KIT: variants seen among roughly 807,000 people sequenced by gnomAD.
KIT encodes KIT proto-oncogene, receptor tyrosine kinase, also known as mast/stem cell growth factor receptor Kit.
In KIT, 16 loss-of-function variants were observed where a neutral mutation model predicts 105.7. That is an observed-to-expected ratio of 0.15 (90% confidence interval 0.10 to 0.23). The LOEUF (loss-of-function observed/expected upper bound fraction) is 0.23. Among genes scored for constraint, KIT ranks in the 10% least tolerant of loss-of-function variants. The pLI, the probability that KIT is intolerant of heterozygous loss-of-function variation, is 1.00. For synonymous variants in KIT, 438 were observed against 441.1 expected, an observed-to-expected ratio of 0.99 and a Z score of 0.09; for missense variants, 858 against 1,213.8, an observed-to-expected ratio of 0.71 and a Z score of 4.36.
chr4:54,709,185 T>C (rs1020748337), intron 6 of KIT, among the ~76,000 whole-genome samples: 1 of 152,150 alleles, frequency 6.6e-6, no homozygotes, highest in African/African-American at 2.4e-5. Flanking sequence ...CTCTGTCAGG[T>C]TGCCTTTGTG....
At chr4:54,726,268 A>G (rs958840776) in intron 9 of KIT, among the ~76,000 whole-genome samples, 1 of 152,204 alleles carries the variant, frequency 6.6e-6, no homozygotes, top group Non-Finnish European at 1.5e-5. Flanking sequence ...TATATTTTAT[A>G]TGTATGTGTG....
At chr4:54,674,141 T>G (rs1560378363) in intron 1 of KIT, among the ~76,000 whole-genome samples, 1 of 152,200 alleles carries the variant, frequency 6.6e-6, no homozygotes, top group Non-Finnish European at 1.5e-5. Context: ...ACTTTTTTTT[T>G]GTCCCTACCC....
intron 1 of KIT, among the ~76,000 whole-genome samples, chr4:54,682,093 T>TTC (rs200721438): frequency 9.6e-5 from 13 of 135,952 alleles, no homozygotes; most frequent in African/African-American, 3.1e-4. Context: ...GAATTTTCTT[T>TTC]TTTTTTTTTT....
intron 17 of KIT, among the ~76,000 whole-genome samples, chr4:54,733,654 A>C (rs1722740135): frequency 6.6e-6 from 1 of 152,180 alleles, no homozygotes. Flanking sequence ...CATAAGTAAT[A>C]ATGGGTTTGT....
chr4:54,684,962 A>C (rs1204464651), intron 1 of KIT, among the ~76,000 whole-genome samples: 1 of 152,032 alleles, frequency 6.6e-6, no homozygotes, highest in Non-Finnish European at 1.5e-5. Flanking sequence ...TCCCCAACCT[A>C]CTACCTTGTC....
Position 54,657,977 on chromosome 4 carries a change from A to C in KIT, c.-38A>C, listed in dbSNP as rs780684303. 1.2e-6 allele frequency: 2 copies of C among 1,606,828 alleles called. No individual in the cohort carries two copies. On this transcript the variant is annotated 5_prime_UTR_variant, in exon 1 of 21. Coordinates refer to ENST00000288135, the MANE Select transcript of KIT (RefSeq NM_000222.3). ...TCGCTGCACTTGGGCGAGAGCTGGA[A>C]CGTGGACCAGAGCTCGGATCCCATC...
chr4:54,732,095 A>G, intron 16 of KIT, 97 bp downstream of exon 16: 1 of 1,318,030 alleles, frequency 7.6e-7, no homozygotes, highest in Non-Finnish European at 1.0e-6. Context: ...TTAGAGCCAT[A>G]GTTAAAATGC....
chr4:54,702,679 C>T (rs1171100884), intron 4 of KIT, among the ~76,000 whole-genome samples: 2 of 152,048 alleles, frequency 1.3e-5, no homozygotes, highest in Admixed American at 1.3e-4. Flanking sequence ...TTACCACAAC[C>T]AACATATTGA....
intron 1 of KIT, among the ~76,000 whole-genome samples, chr4:54,659,589 G>C (rs1458443731): frequency 1.3e-5 from 2 of 152,110 alleles, no homozygotes; most frequent in African/African-American, 2.4e-5. Flanking sequence ...TTTCCTGTGG[G>C]GGGCAGAGAG....
chr4:54,692,489 T>A (rs1160750006), intron 1 of KIT, among the ~76,000 whole-genome samples: 2 of 152,196 alleles, frequency 1.3e-5, no homozygotes, highest in Admixed American at 6.5e-5. Flanking sequence ...TTTGACTGGA[T>A]TGTAATTATC....
At chr4:54,702,613 C>A (rs983754162) in intron 4 of KIT, among the ~76,000 whole-genome samples, 2 of 152,010 alleles carry the variant, frequency 1.3e-5, no homozygotes, top group African/African-American at 4.8e-5. Context: ...TAGGTAAACA[C>A]CTCTCTTATA....
rs1718813537 is a variant in KIT at position 54,680,355 on chromosome 4, CTTT to C, written c.68-15153_68-15151del. 2.3e-5 allele frequency among the ~76,000 whole-genome samples: 3 copies of C among 132,798 alleles called. No homozygotes were observed. In the Admixed American group the frequency reaches 2.3e-4, roughly 10 times the overall value. 87.1% of individuals were successfully genotyped at this position (132,798 alleles called of 152,430 possible). A position where few individuals can be genotyped will look rare whatever the true frequency, so the allele number is the denominator to read the frequency against. ...AGAACTAGAGTTTAGGGTTGTCACACTTTTTTATGTCTTGAAGTTTTCATTCGT... is the reference window on the plus strand; with the variant it reads ...AGAACTAGAGTTTAGGGTTGTCACACTTTATGTCTTGAAGTTTTCATTCGT... On this transcript the variant is annotated intron_variant, in intron 1 of 20. Transcript: ENST00000288135.
intron 13 of KIT, 64 bp downstream of exon 13, chr4:54,728,185 TG>T (rs1311779719): frequency 1.6e-6 from 2 of 1,233,126 alleles, no homozygotes; most frequent in African/African-American, 3.0e-5. Context: ...CATTTTAATA[TG>T]ATTTTGGCAA....
rs1006156801 is a variant in KIT at position 54,739,385 on chromosome 4, A to G, written c.*828A>G. ...AAACAGTTAATACCATTTTTTAAGGAAACAATATAACCACAAAGCACAGTT... is the reference window on the plus strand; with the variant it reads ...AAACAGTTAATACCATTTTTTAAGGGAACAATATAACCACAAAGCACAGTT... On this transcript the variant is annotated 3_prime_UTR_variant, in exon 21 of 21. Transcript: ENST00000288135. 4.3e-6 allele frequency: 1 copy of G among 233,544 alleles called. No individual in the cohort carries two copies. The highest frequency in any genetic ancestry group is 2.2e-5 in the African/African-American group (1 of 45,326). The allele number at this position is 233,544 out of a possible 1,614,324, so 14.5% of individuals were successfully genotyped here.
Position 54,727,199 on chromosome 4 carries a change from CA to C in KIT, c.1541-18del. On this transcript the variant is annotated intron_variant, in intron 9 of 20. Coordinates refer to ENST00000288135, the MANE Select transcript of KIT (RefSeq NM_000222.3). ...CATCCTGCCAAAGTTTGTGATTCCA[CA>C]TTTCTCTTCCATTGTAGAGCAAATC... The C allele has an allele frequency of 1.2e-6, 2 of 1,608,512 alleles. No individual in the cohort carries two copies. Among genetic ancestry groups the C allele is most frequent in the South Asian group, 2.2e-5 (2 of 90,980 alleles).
At chr4:54,664,645 G>T (rs1012807440) in intron 1 of KIT, among the ~76,000 whole-genome samples, 1 of 151,518 alleles carries the variant, frequency 6.6e-6, no homozygotes, top group African/African-American at 2.4e-5. Flanking sequence ...GTCTTGCTCT[G>T]TTGCCAGGCT....
In KIT at chr4:54,728,081, C is replaced by T. The variant is rs2109781897; in HGVS notation, c.1950C>T (p.His650=). ...ELKVLSYLGN[H]MNIVNLLGAC... ...AAGTCCTGAGTTACCTTGGTAATCA[C>T]ATGAATATTGTGAATCTACTTGGAG... is the stretch of plus-strand genomic sequence containing the variant. Residue 650 remains histidine, a synonymous_variant, in exon 13 of 21, where the codon CAC becomes CAT. Coordinates refer to ENST00000288135, the MANE Select transcript of KIT (RefSeq NM_000222.3). 4.3e-6 allele frequency: 7 copies of T among 1,613,940 alleles called. No individual in the cohort carries two copies. The highest frequency in any genetic ancestry group is 5.9e-6 in the Non-Finnish European group (7 of 1,179,884).
intron 8 of KIT, among the ~76,000 whole-genome samples, chr4:54,725,129 G>A (rs1424608352): frequency 3.9e-5 from 6 of 152,066 alleles, no homozygotes; most frequent in Admixed American, 2.6e-4. Flanking sequence ...TGTTGAGACC[G>A]AGTCTCACTC....
intron 1 of KIT, among the ~76,000 whole-genome samples, chr4:54,695,028 A>G (rs763109144): frequency 1.3e-5 from 2 of 152,242 alleles, no homozygotes; most frequent in Non-Finnish European, 2.9e-5. Context: ...AAAGAGAGTT[A>G]TACAGAAATA....
Sources: allele counts gnomAD v4.1 joint callset (sites outside exome capture counted in the v4.1 genomes callset), GRCh38; gene constraint gnomAD v4.1.1; transcripts MANE v1.5; gene names NCBI Gene and HGNC (gene_info 2026-07-23, HGNC 2026-07-21).